RAPGEF1: variants seen among roughly 807,000 people sequenced by gnomAD.
RAPGEF1 encodes Rap guanine nucleotide exchange factor 1, also known as CRK SH3-binding GNRP.
In RAPGEF1, 33 loss-of-function variants were observed where a neutral mutation model predicts 143.3. That is an observed-to-expected ratio of 0.23 (90% confidence interval 0.17 to 0.31). RAPGEF1 has a LOEUF of 0.31. Among genes scored for constraint, RAPGEF1 ranks in the 10% least tolerant of loss-of-function variants. The pLI, the probability that RAPGEF1 is intolerant of heterozygous loss-of-function variation, is 1.00. For missense variants in RAPGEF1, 1,199 were observed against 1,645.4 expected (o/e 0.73, Z 4.69); for synonymous variants, 629 against 676.5 (o/e 0.93, Z 1.09).
Position 131,619,098 on chromosome 9 carries a change from C to T in RAPGEF1, c.2014G>A (p.Val672Ile), listed in dbSNP as rs147823217. Residue 672 changes from valine to isoleucine, a missense_variant, in exon 12 of 27, where the codon GTC (valine) becomes ATC (isoleucine). By Grantham distance (29) the Val-to-Ile change is conservative (BLOSUM62 3). Coordinates refer to ENST00000683357, the MANE Select transcript of RAPGEF1 (RefSeq NM_001377935.1). ...TGCCGGCTGAGAAAGGAGTTAGAGA[C>T]GGACACACTGAGGCCCTGAGCGGCA... The part of the protein sequence containing the change: ...GSAAQGLSVS[V>I]SNSFLSRHGS... 1.0e-5 allele frequency: 14 copies of T among 1,354,882 alleles called. No individual in the cohort carries two copies. In the East Asian group the frequency reaches 1.4e-4, roughly 14 times the overall value. 83.9% of individuals were successfully genotyped at this position (1,354,882 alleles called of 1,614,324 possible). A position where few individuals can be genotyped will look rare whatever the true frequency, so the allele number is the denominator to read the frequency against.
chr9:131,638,800 A>T lies in RAPGEF1; in HGVS notation c.495-9T>A. The T allele has an allele frequency of 6.2e-7, 1 of 1,613,224 alleles. No individual in the cohort carries two copies. Among genetic ancestry groups the T allele is most frequent in the Non-Finnish European group, 8.5e-7 (1 of 1,179,444 alleles). On this transcript the variant is annotated splice_polypyrimidine_tract_variant and intron_variant, in intron 4 of 26. Coordinates refer to ENST00000683357, the MANE Select transcript of RAPGEF1 (RefSeq NM_001377935.1). ...AGGAAGAGAGGGCTGAGCTACAGGG[A>T]AGAGAAGAATGGAAAAAAAGAAAAT...
intron 1 of RAPGEF1, among the ~76,000 whole-genome samples, chr9:131,651,294 T>C (rs548324988): frequency 1.5e-4 from 23 of 152,320 alleles, no homozygotes; most frequent in African/African-American, 5.3e-4. Context: ...CACAGATGTG[T>C]AGGATGTGAG....
intron 5 of RAPGEF1, 42 bp downstream of exon 5, chr9:131,638,593 T>C (rs565705069): frequency 1.2e-6 from 2 of 1,606,832 alleles, no homozygotes; most frequent in East Asian, 2.2e-5. Context: ...GGCAGGCTGC[T>C]CTAAGTCCCT....
chr9:131,708,996 G>T (rs1355314444), intron 1 of RAPGEF1, among the ~76,000 whole-genome samples: 1 of 152,146 alleles, frequency 6.6e-6, no homozygotes, highest in African/African-American at 2.4e-5. Flanking sequence ...GCCTCCCAAA[G>T]TGCTGGGATT....
chr9:131,704,458 C>T (rs1356333744), intron 1 of RAPGEF1, among the ~76,000 whole-genome samples: 1 of 152,038 alleles, frequency 6.6e-6, no homozygotes, highest in African/African-American at 2.4e-5. Flanking sequence ...ATCCCACAAT[C>T]TGCCAAGGTC....
chr9:131,739,926 G>T lies in RAPGEF1; in HGVS notation c.-96C>A. The stretch of plus-strand genomic sequence containing the variant: ...CACGCCTCAGACCCGCGCCGGCATG[G>T]CGGGCTCCGCGCGGCCGCGGCCCTG... On this transcript the variant is annotated 5_prime_UTR_variant, in exon 1 of 27. Transcript: ENST00000683357. The T allele has an allele frequency of 1.4e-6, 1 of 715,134 alleles. No individual in the cohort carries two copies. The highest frequency in any genetic ancestry group is 1.7e-6 in the Non-Finnish European group (1 of 586,138). 44.3% of individuals were successfully genotyped at this position (715,134 alleles called of 1,614,324 possible).
intron 15 of RAPGEF1, among the ~76,000 whole-genome samples, chr9:131,599,282 G>A (rs1434365719): frequency 6.6e-6 from 1 of 151,972 alleles, no homozygotes; most frequent in Admixed American, 6.6e-5. Flanking sequence ...AAGCCACCAT[G>A]CCTGGATAAT....
chr9:131,623,283 A>T (rs570993424), intron 10 of RAPGEF1, among the ~76,000 whole-genome samples: 6 of 152,238 alleles, frequency 3.9e-5, no homozygotes, highest in African/African-American at 7.2e-5. Context: ...CAACATAGTG[A>T]GACCCCCGTC....
At position 131,586,665 on chromosome 9, in the gene RAPGEF1, CA is replaced by C. The variant is rs1450080476; in HGVS notation, c.3233+1070del. 3.5e-4 allele frequency among the ~76,000 whole-genome samples: 47 copies of C among 134,606 alleles called. 4 individuals carry two copies. Among genetic ancestry groups the C allele is most frequent in the Admixed American group, 7.9e-4 (11 of 13,904 alleles). The allele number at this position is 134,606 out of a possible 152,430, so 88.3% of individuals were successfully genotyped here. On this transcript the variant is annotated intron_variant, in intron 22 of 26. Coordinates refer to ENST00000683357, the MANE Select transcript of RAPGEF1 (RefSeq NM_001377935.1). ...TCCGTCTCAAACACACACACACACA[CA>C]CACCCCTGCAGAGTGAGACTCCGTC...
intron 1 of RAPGEF1, among the ~76,000 whole-genome samples, chr9:131,686,821 A>C (rs1274477885): frequency 6.6e-6 from 1 of 152,236 alleles, no homozygotes; most frequent in Non-Finnish European, 1.5e-5. Context: ...TGAAGTAAGA[A>C]ACCGGGTTTC....
chr9:131,625,854 G>A (rs1373123640), intron 10 of RAPGEF1, 68 bp downstream of exon 10: 1 of 1,494,158 alleles, frequency 6.7e-7, no homozygotes, highest in Non-Finnish European at 9.0e-7. Flanking sequence ...GTCTAATGCT[G>A]AAATAAAACA....
In RAPGEF1 at chr9:131,592,187, GA is replaced by G; in HGVS notation, c.2690-5del. On this transcript the variant is annotated splice_polypyrimidine_tract_variant and splice_region_variant and intron_variant, in intron 17 of 26. Coordinates refer to ENST00000683357, the MANE Select transcript of RAPGEF1 (RefSeq NM_001377935.1). ...GCCTCGCAGTACAACACCAAATCTA[GA>G]GGGAAAAAACAATGCAAACTGCTTG... is the stretch of plus-strand genomic sequence containing the variant. The G allele has an allele frequency of 6.7e-7, 1 of 1,502,886 alleles. No homozygotes were observed. Among genetic ancestry groups the G allele is most frequent in the African/African-American group, 2.0e-5 (1 of 50,666 alleles). The allele number at this position is 1,502,886 out of a possible 1,614,324, so 93.1% of individuals were successfully genotyped here. A position where few individuals can be genotyped will look rare whatever the true frequency, so the allele number is the denominator to read the frequency against.
chr9:131,729,482 G>A (rs1836884064), intron 1 of RAPGEF1, among the ~76,000 whole-genome samples: 1 of 152,248 alleles, frequency 6.6e-6, no homozygotes, highest in Non-Finnish European at 1.5e-5. Context: ...CTTCAATAAT[G>A]GAGAAACCAG....
In RAPGEF1 at chr9:131,650,330, T is replaced by G. The variant is rs1246505062; in HGVS notation, c.202-88A>C. 5.1e-6 allele frequency: 5 copies of G among 988,240 alleles called. No homozygotes were observed. The highest frequency in any genetic ancestry group is 6.1e-6 in the Non-Finnish European group (4 of 657,500). The allele number at this position is 988,240 out of a possible 1,614,324, so 61.2% of individuals were successfully genotyped here. A position where few individuals can be genotyped will look rare whatever the true frequency, so the allele number is the denominator to read the frequency against. On this transcript the variant is annotated intron_variant, in intron 2 of 26. Transcript: ENST00000683357. This position sits in a 1 kb window ranked among gnomAD's most constrained non-coding sequence, Gnocchi z 4.7. The stretch of plus-strand genomic sequence containing the variant: ...GGGTTGATGAAAGTCAATAGCTGTT[T>G]CAACATATCTGGCTTGACTGGCCCT...
intron 11 of RAPGEF1, among the ~76,000 whole-genome samples, chr9:131,620,305 T>C (rs1263836286): frequency 6.6e-6 from 1 of 151,314 alleles, no homozygotes; most frequent in Non-Finnish European, 1.5e-5. Flanking sequence ...GGTCTCACTA[T>C]GTTGTCCAGG....
chr9:131,592,713 A>G (rs751020483), intron 17 of RAPGEF1, among the ~76,000 whole-genome samples: 1 of 152,136 alleles, frequency 6.6e-6, no homozygotes, highest in Non-Finnish European at 1.5e-5. Context: ...AGGATCCTGA[A>G]ATGAAACCCT....
chr9:131,627,518 A>C (rs1184972020), intron 9 of RAPGEF1, among the ~76,000 whole-genome samples: 2 of 152,186 alleles, frequency 1.3e-5, no homozygotes, highest in Non-Finnish European at 2.9e-5. Flanking sequence ...TTCAGCACTG[A>C]CTAACGAGAA....
chr9:131,646,170 C>T (rs183501692), intron 3 of RAPGEF1, among the ~76,000 whole-genome samples: 2 of 152,270 alleles, frequency 1.3e-5, no homozygotes, highest in Admixed American at 1.3e-4. Context: ...GTTACAACCA[C>T]CCTGTGAAGT....
chr9:131,598,651 C>A lies in RAPGEF1; in HGVS notation c.2502-341G>T, dbSNP rs1955721208. The A allele has an allele frequency of 1.8e-4, 81 of 447,124 alleles. 1 individual carries two copies. The highest frequency in any genetic ancestry group is 1.3e-3 in the South Asian group (76 of 59,430). 27.7% of individuals were successfully genotyped at this position (447,124 alleles called of 1,614,324 possible). A position where few individuals can be genotyped will look rare whatever the true frequency, so the allele number is the denominator to read the frequency against. ...TTTAGGGAGAGGAGGAGCTAAGGGG[C>A]AAGCAGAATGGGAGAGAAAGCTGCA... On this transcript the variant is annotated intron_variant, in intron 15 of 26. Coordinates refer to ENST00000683357, the MANE Select transcript of RAPGEF1 (RefSeq NM_001377935.1).
Sources: allele counts gnomAD v4.1 joint callset (sites outside exome capture counted in the v4.1 genomes callset), GRCh38; gene constraint gnomAD v4.1.1; non-coding constraint Gnocchi (gnomAD v3.1); transcripts MANE v1.5; gene names NCBI Gene and HGNC (gene_info 2026-07-23, HGNC 2026-07-21).